The following IFT52 variants were observed in gnomAD, a reference collection of about 807,000 sequenced individuals.
IFT52 encodes the protein intraflagellar transport 52.
A neutral mutation model predicts 54.4 loss-of-function variants in IFT52; 44 were observed. That is an observed-to-expected ratio of 0.81 (90% CI 0.63 to 1.04). The LOEUF (loss-of-function observed/expected upper bound fraction) is 1.04. Ranked by LOEUF, IFT52 falls within the 50% of genes least tolerant of loss-of-function variation. IFT52 has a pLI of 0.00. For synonymous variants in IFT52, 181 were observed against 185.3 expected, an observed-to-expected ratio of 0.98 and a Z score of 0.19; for missense variants, 452 against 523.6, an observed-to-expected ratio of 0.86 and a Z score of 1.33.
chr20:43,592,151 TC>T (rs1438186799), intron 1 of IFT52, among the ~76,000 whole-genome samples: 1 of 152,064 alleles, frequency 6.6e-6, no homozygotes, highest in East Asian at 1.9e-4. Flanking sequence ...GGTCAGGAGT[TC>T]CAGACCAGCC....
Position 43,647,104 on chromosome 20 carries a change from G to T in IFT52, c.*121G>T. 3 of 830,170 alleles carry T rather than the reference G, an allele frequency of 3.6e-6. No individual in the cohort carries two copies. Among genetic ancestry groups the T allele is most frequent in the South Asian group, 2.8e-5 (2 of 70,286 alleles). The allele number at this position is 830,170 out of a possible 1,614,324, so 51.4% of individuals were successfully genotyped here. ...ACTCTTTCCTCCATGAGCTCTGGAA[G>T]GTATATGCATCTTCTGTAATACTCA... On this transcript the variant is annotated 3_prime_UTR_variant, in exon 14 of 14. Transcript: ENST00000373030.
At chr20:43,635,872 C>T (rs1041396962) in intron 10 of IFT52, 54 bp from the exon 11 acceptor site, 19 of 1,484,710 alleles carry the variant, frequency 1.3e-5, no homozygotes, top group Non-Finnish European at 1.6e-5. Context: ...GTCAGTTAGA[C>T]GTGCTGAGCT....
chr20:43,611,897 G>T lies in IFT52; in HGVS notation c.486-1953G>T, dbSNP rs562464139. On this transcript the variant is annotated intron_variant, in intron 6 of 13. Transcript: ENST00000373030. ...GTACAAAAAGTAGCCGGGCGTGGTG[G>T]TGCACACCTGTAATCCCAGCTGCTC... Among the ~76,000 whole-genome samples the T allele has an allele frequency of 2.9e-3, 441 of 151,856 alleles. 1 individual carries two copies. The highest frequency in any genetic ancestry group is 0.01 in the African/African-American group (423 of 41,416).
At chr20:43,601,349 T>C (rs1982424305) in intron 3 of IFT52, among the ~76,000 whole-genome samples, 2 of 152,172 alleles carry the variant, frequency 1.3e-5, no homozygotes, top group South Asian at 4.1e-4. Flanking sequence ...ATTTCTAAAA[T>C]TCAAGTCTGC....
At chr20:43,608,329 C>T (rs1983141352) in intron 6 of IFT52, among the ~76,000 whole-genome samples, 1 of 152,194 alleles carries the variant, frequency 6.6e-6, no homozygotes, top group Non-Finnish European at 1.5e-5. Context: ...TATGAGCACA[C>T]ACCTTTTTCC....
At chr20:43,622,839 T>C (rs1015546298) in intron 9 of IFT52, among the ~76,000 whole-genome samples, 1 of 150,334 alleles carries the variant, frequency 6.7e-6, no homozygotes, top group African/African-American at 2.4e-5. Flanking sequence ...TATGTGTAAA[T>C]ATAAATATAT....
intron 6 of IFT52, among the ~76,000 whole-genome samples, chr20:43,612,933 A>G (rs1241597746): frequency 6.6e-6 from 1 of 151,854 alleles, no homozygotes; most frequent in Non-Finnish European, 1.5e-5. Context: ...TTTGAGTAAA[A>G]CCCTAACCCC....
chr20:43,596,835 G>A (rs1049879883), intron 3 of IFT52, among the ~76,000 whole-genome samples: 2 of 147,814 alleles, frequency 1.4e-5, no homozygotes, highest in East Asian at 2.0e-4. Flanking sequence ...TCCACCTCCC[G>A]GGTTCAAGCA....
At chr20:43,646,216 A>ATAAAACTAAAGAAAATT (rs1986191269) in intron 13 of IFT52, among the ~76,000 whole-genome samples, 2 of 152,252 alleles carry the variant, frequency 1.3e-5, no homozygotes, top group East Asian at 3.9e-4. Flanking sequence ...TCTCAAAAAA[A>ATAAAACTAAAGAAAATT]AAAAAAAAAT....
chr20:43,631,444 C>T (rs1485914587), intron 10 of IFT52, among the ~76,000 whole-genome samples: 3 of 152,148 alleles, frequency 2.0e-5, no homozygotes. Flanking sequence ...CAGTCACAGA[C>T]CTCACTCATA....
At chr20:43,595,333 A>G (rs1468925050) in intron 2 of IFT52, among the ~76,000 whole-genome samples, 2 of 149,938 alleles carry the variant, frequency 1.3e-5, no homozygotes, top group South Asian at 2.1e-4. Context: ...AAAAAAAAAA[A>G]AAAAAGAAAG....
At chr20:43,625,065 C>A (rs994392826) in intron 10 of IFT52, among the ~76,000 whole-genome samples, 18 of 152,096 alleles carry the variant, frequency 1.2e-4, no homozygotes, top group African/African-American at 4.1e-4. Context: ...TAATGAAAAT[C>A]TTTGCCCTTT....
intron 12 of IFT52, among the ~76,000 whole-genome samples, chr20:43,638,431 TC>T (rs1261274183): frequency 3.3e-5 from 5 of 152,006 alleles, no homozygotes; most frequent in African/African-American, 1.2e-4. Flanking sequence ...CCTCAGGTGA[TC>T]CACCCGCCTC....
At chr20:43,594,370 G>GA (rs1252117560) in intron 1 of IFT52, among the ~76,000 whole-genome samples, 1 of 152,108 alleles carries the variant, frequency 6.6e-6, no homozygotes, top group Non-Finnish European at 1.5e-5. Flanking sequence ...TAGCAGTAAT[G>GA]AATCAGGATG....
intron 10 of IFT52, among the ~76,000 whole-genome samples, chr20:43,630,700 G>A (rs1011894698): frequency 2.6e-5 from 4 of 152,212 alleles, no homozygotes; most frequent in African/African-American, 9.6e-5. Context: ...CTTGAAACAT[G>A]GAGTGGTGAA....
chr20:43,591,466 T>A (rs1601011745), intron 1 of IFT52, among the ~76,000 whole-genome samples: 1 of 152,180 alleles, frequency 6.6e-6, no homozygotes, highest in East Asian at 1.9e-4. Context: ...GGCCTTATAC[T>A]ATTATTAAGG....
Position 43,615,287 on chromosome 20 carries a change from C to T in IFT52, c.612+1311C>T, listed in dbSNP as rs545657504. 1.6e-4 allele frequency among the ~76,000 whole-genome samples: 24 copies of T among 152,196 alleles called. No individual in the cohort carries two copies. The South Asian group carries it at 5.0e-3, about 32-fold the overall frequency. On this transcript the variant is annotated intron_variant, in intron 7 of 13. Coordinates refer to ENST00000373030, the MANE Select transcript of IFT52 (RefSeq NM_016004.5). ...AAACTTCTGAGCTCAGGCAATCCCC[C>T]CCACCTCAGCCTCCCAAAGTGCTGG...
At position 43,645,211 on chromosome 20, in the gene IFT52, C is replaced by T. The variant is rs1163265227; in HGVS notation, c.1267-1725C>T. On this transcript the variant is annotated intron_variant, in intron 13 of 13. Coordinates refer to ENST00000373030, the MANE Select transcript of IFT52 (RefSeq NM_016004.5). ...GAGATTCTACTTTCTTTACAGAATA[C>T]AATACACACATAGAATTATTTTGCA... Among the ~76,000 whole-genome samples the T allele has an allele frequency of 3.4e-5, 2 of 57,974 alleles. 1 individual carries two copies. Among genetic ancestry groups the T allele is most frequent in the Non-Finnish European group, 8.2e-5 (2 of 24,250 alleles). The allele number at this position is 57,974 out of a possible 152,430, so 38.0% of individuals were successfully genotyped here.
chr20:43,611,028 G>C (rs113037291), intron 6 of IFT52, among the ~76,000 whole-genome samples: 124 of 144,254 alleles, frequency 8.6e-4, no homozygotes, highest in African/African-American at 2.9e-3. Context: ...TGCCCTACTT[G>C]TTGTTGCGTT....
Sources: gnomAD v4.1 joint callset for allele counts (sites outside exome capture counted in the v4.1 genomes callset) on GRCh38, gnomAD v4.1.1 for gene constraint, MANE v1.5 for transcripts, NCBI Gene and HGNC (gene_info 2026-07-23, HGNC 2026-07-21) for gene names.